Variants in COMMD1 observed in about 807,000 individuals in gnomAD.
COMMD1 encodes the protein copper metabolism domain containing 1.
Under a neutral mutation model 17.2 loss-of-function variants are expected in COMMD1, and 10 were observed. That is an observed-to-expected ratio of 0.58 (90% CI 0.36 to 0.99). COMMD1 has a LOEUF of 0.99. COMMD1 is among the 50% of genes least tolerant of loss of function. The probability of loss-of-function intolerance (pLI) is 0.01; values close to 1 mark genes in which losing one functional copy is unlikely to be tolerated. For synonymous variants in COMMD1, 97 were observed against 91.6 expected (o/e 1.06, Z -0.34); for missense variants, 270 against 231.8 (o/e 1.17, Z -1.07).
upstream of COMMD1, among the ~76,000 whole-genome samples, chr2:61,902,716 T>A (rs891842018): frequency 1.3e-5 from 2 of 152,152 alleles, no homozygotes; most frequent in Non-Finnish European, 2.9e-5. Context: ...GGTACGGTAG[T>A]GTGTGCTCAT....
chr2:62,013,852 T>C (rs1669358525), intron 2 of COMMD1, among the ~76,000 whole-genome samples: 1 of 152,220 alleles, frequency 6.6e-6, no homozygotes, highest in African/African-American at 2.4e-5. Flanking sequence ...TAGCTATAAT[T>C]ACCCCTTCCA....
rs564134187 is a variant in COMMD1 at position 62,090,212 on chromosome 2, G to A, written c.463-45619G>A. Among the ~76,000 whole-genome samples the A allele has an allele frequency of 2.7e-5, 4 of 150,122 alleles. No individual in the cohort carries two copies. In the East Asian group the frequency reaches 5.8e-4, roughly 22 times the overall value. The stretch of plus-strand genomic sequence containing the variant: ...ACAAGAGATATATAATCCTAATACA[G>A]TGACAAACACCATAAAGATAGCAAA... On this transcript the variant is annotated intron_variant, in intron 2 of 2. Transcript: ENST00000311832.
intron 2 of COMMD1, among the ~76,000 whole-genome samples, chr2:62,020,557 A>G (rs1472525592): frequency 6.6e-6 from 1 of 152,184 alleles, no homozygotes; most frequent in Non-Finnish European, 1.5e-5. Flanking sequence ...TTCTGCCAAT[A>G]TAACTTTCTT....
exon 1 of COMMD1, chr2:61,888,740 T>G: frequency 1.8e-6 from 1 of 545,352 alleles, no homozygotes; most frequent in Non-Finnish European, 3.2e-6. Context: ...TGCGGTGGGC[T>G]CCGGGCTGGC....
chr2:61,956,148 T>C (rs1671192890), intron 1 of COMMD1, among the ~76,000 whole-genome samples: 1 of 152,176 alleles, frequency 6.6e-6, no homozygotes, highest in African/African-American at 2.4e-5. Context: ...GGTGCAACAA[T>C]GAAAAGTTGA....
chr2:61,976,048 A>G (rs888280326), intron 1 of COMMD1, among the ~76,000 whole-genome samples: 1 of 152,164 alleles, frequency 6.6e-6, no homozygotes, highest in African/African-American at 2.4e-5. Flanking sequence ...TACTGATAGA[A>G]GGGTATTGAA....
chr2:62,039,147 A>G (rs1670116194), intron 2 of COMMD1, among the ~76,000 whole-genome samples: 1 of 152,218 alleles, frequency 6.6e-6, no homozygotes, highest in Non-Finnish European at 1.5e-5. Context: ...TTGGGTTAGC[A>G]CATTTTCTGA....
At chr2:61,990,903 T>TACACACACACAC (rs34009777) in intron 1 of COMMD1, among the ~76,000 whole-genome samples, 1,397 of 116,128 alleles carry the variant, frequency 0.012, 15 homozygotes, top group African/African-American at 0.022. Context: ...TATATATATA[T>TACACACACACAC]ACACACACAC....
intron 1 of COMMD1, among the ~76,000 whole-genome samples, chr2:61,891,601 G>A (rs369200567): frequency 6.6e-6 from 1 of 151,930 alleles, no homozygotes. Context: ...GGTGTCAGAT[G>A]CCTGTAATCC....
Position 62,116,776 on chromosome 2 carries a change from C to T in COMMD1, c.463-19055C>T, listed in dbSNP as rs113368167. On this transcript the variant is annotated intron_variant, in intron 2 of 2. Coordinates refer to ENST00000311832, the MANE Select transcript of COMMD1 (RefSeq NM_152516.4). ...CTGAGGCAGGCAGATTACCTGAAGT[C>T]GGGAGTTCCAGACCAGCCTGACCAA... Among the ~76,000 whole-genome samples, 1,185 of 150,288 alleles carry T rather than the reference C, an allele frequency of 7.9e-3. 24 individuals carry two copies. Among genetic ancestry groups the T allele is most frequent in the African/African-American group, 0.027 (1,095 of 40,822 alleles).
intron 1 of COMMD1, among the ~76,000 whole-genome samples, chr2:61,966,219 G>A (rs923548632): frequency 6.6e-6 from 1 of 151,862 alleles, no homozygotes; most frequent in Non-Finnish European, 1.5e-5. Context: ...TTGGTTTACT[G>A]TTAAACTGCC....
chr2:62,027,679 AT>A (rs1669800177), intron 2 of COMMD1, among the ~76,000 whole-genome samples: 2 of 150,814 alleles, frequency 1.3e-5, no homozygotes, highest in African/African-American at 4.9e-5. Context: ...ATGTTATGTT[AT>A]GTTATTTTTT....
chr2:62,089,782 C>G lies in COMMD1; in HGVS notation c.463-46049C>G, dbSNP rs373485039. Among the ~76,000 whole-genome samples the G allele has an allele frequency of 2.9e-3, 436 of 152,162 alleles. 5 individuals carry two copies. Among genetic ancestry groups the G allele is most frequent in the African/African-American group, 0.01 (427 of 41,516 alleles). On this transcript the variant is annotated intron_variant, in intron 2 of 2. Transcript: ENST00000311832. Reference sequence around the variant, plus strand: ...AAGACTCCTTTGAAAGGAATTTGGGCAAGATAAAAAAATGAGAGCTTTGTC... The same window carrying G: ...AAGACTCCTTTGAAAGGAATTTGGGGAAGATAAAAAAATGAGAGCTTTGTC...
intron 1 of COMMD1, among the ~76,000 whole-genome samples, chr2:61,990,890 AAAT>A (rs1405306661): frequency 2.2e-5 from 2 of 89,586 alleles, no homozygotes; most frequent in African/African-American, 1.2e-4. Flanking sequence ...AAAAAAAAAA[AAAT>A]ATATATATAT....
intron 2 of COMMD1, among the ~76,000 whole-genome samples, chr2:62,061,457 T>A (rs1670851010): frequency 6.6e-6 from 1 of 152,184 alleles, no homozygotes; most frequent in African/African-American, 2.4e-5. Context: ...CTTCTTAGAA[T>A]CTGTCCTGTA....
chr2:62,037,398 G>A (rs1225816298), intron 2 of COMMD1, among the ~76,000 whole-genome samples: 1 of 152,182 alleles, frequency 6.6e-6, no homozygotes, highest in Admixed American at 6.5e-5. Flanking sequence ...CATAGGAGCA[G>A]TTTTGTAATT....
chr2:61,897,768 A>G (rs78174256), intron 1 of COMMD1, among the ~76,000 whole-genome samples: 2 of 152,032 alleles, frequency 1.3e-5, no homozygotes, highest in Non-Finnish European at 2.9e-5. Context: ...ATATATATAT[A>G]TTGGCCATTA....
intron 2 of COMMD1, among the ~76,000 whole-genome samples, chr2:62,105,189 T>C (rs1672296792): frequency 6.6e-6 from 1 of 151,818 alleles, no homozygotes; most frequent in Non-Finnish European, 1.5e-5. Flanking sequence ...GATTGAATTA[T>C]AAACAAATGC....
intron 1 of COMMD1, among the ~76,000 whole-genome samples, chr2:61,970,625 G>A (rs1671623613): frequency 6.6e-6 from 1 of 152,084 alleles, no homozygotes; most frequent in Non-Finnish European, 1.5e-5. Flanking sequence ...GCCCTCAGAT[G>A]GTTGAATTCC....
Sources: gnomAD v4.1 joint callset for allele counts (sites outside exome capture counted in the v4.1 genomes callset) on GRCh38, gnomAD v4.1.1 for gene constraint, MANE v1.5 for transcripts, NCBI Gene and HGNC (gene_info 2026-07-23, HGNC 2026-07-21) for gene names.